HSD11B1: variants seen among roughly 807,000 people sequenced by gnomAD.
HSD11B1 encodes hydroxysteroid 11-beta dehydrogenase 1.
HSD11B1 carries 15 observed loss-of-function variants against 22.1 expected under a neutral mutation model. The ratio of observed to expected loss-of-function variants is 0.68; its 90% CI spans 0.45 to 1.04. HSD11B1 has a LOEUF of 1.04. Among genes scored for constraint, HSD11B1 ranks in the 50% least tolerant of loss-of-function variants. HSD11B1 has a pLI of 0.00. For missense variants in HSD11B1, 281 were observed against 357.6 expected (o/e 0.79, Z 1.73); for synonymous variants, 122 against 125.2 (o/e 0.97, Z 0.17).
chr1:209,687,394 C>A lies in HSD11B1; in HGVS notation c.-49+1109C>A, dbSNP rs183630593. Reference sequence around the variant, plus strand: ...AAACAATCTCACTTCTGCTGGCTTGCCAAGGTTTGAAAGGAACTGCCTCCC... The same window carrying A: ...AAACAATCTCACTTCTGCTGGCTTGACAAGGTTTGAAAGGAACTGCCTCCC... On this transcript the variant is annotated intron_variant, in intron 1 of 6. Transcript: ENST00000261465. Among the ~76,000 whole-genome samples the A allele has an allele frequency of 5.3e-5, 8 of 152,188 alleles. No individual in the cohort carries two copies. The East Asian group carries it at 1.4e-3, about 26-fold the overall frequency.
chr1:209,691,215 G>A (rs987879668), intron 1 of HSD11B1, among the ~76,000 whole-genome samples: 4 of 152,036 alleles, frequency 2.6e-5, no homozygotes, highest in African/African-American at 4.8e-5. Context: ...ATCCTTACCC[G>A]GCCAAAAAAC....
At chr1:209,712,477 A>G (rs997444274) in intron 4 of HSD11B1, among the ~76,000 whole-genome samples, 1 of 152,214 alleles carries the variant, frequency 6.6e-6, no homozygotes, top group Non-Finnish European at 1.5e-5. Context: ...TAAGTAATCT[A>G]AAGATGATTT....
chr1:209,720,681 G>T (rs1454385849), intron 4 of HSD11B1, among the ~76,000 whole-genome samples: 1 of 151,856 alleles, frequency 6.6e-6, no homozygotes, highest in Admixed American at 6.6e-5. Flanking sequence ...GAAGAGTCAT[G>T]ACAACTAAAT....
In HSD11B1 at chr1:209,706,152, A is replaced by ATG. The variant is rs897821747; in HGVS notation, c.219+223_219+224dup. 3.9e-5 allele frequency among the ~76,000 whole-genome samples: 6 copies of ATG among 152,230 alleles called. No homozygotes were observed. The highest frequency in any genetic ancestry group is 4.1e-4 in the South Asian group (2 of 4,820). ...AAAGTATGCATTTAAGCATTCATTC[A>ATG]TGTGTGTGTGTGTAATATATTCTGC... On this transcript the variant is annotated intron_variant, in intron 2 of 5. Transcript: ENST00000367027. The surrounding 1 kb of genome is among the most constrained non-coding windows in gnomAD (Gnocchi z 4.0).
intron 1 of HSD11B1, among the ~76,000 whole-genome samples, chr1:209,697,869 T>C (rs1459478131): frequency 6.7e-6 from 1 of 148,786 alleles, no homozygotes; most frequent in East Asian, 2.0e-4. Context: ...GAATGATTAA[T>C]GGTTTTGTTT....
intron 4 of HSD11B1, among the ~76,000 whole-genome samples, chr1:209,710,033 G>A (rs995431084): frequency 2.0e-5 from 3 of 151,546 alleles, no homozygotes; most frequent in Non-Finnish European, 4.4e-5. Flanking sequence ...CCTTCCATCC[G>A]GCAGTGCGTG....
At chr1:209,688,802 C>T (rs2076742529) in intron 1 of HSD11B1, among the ~76,000 whole-genome samples, 1 of 152,210 alleles carries the variant, frequency 6.6e-6, no homozygotes, top group African/African-American at 2.4e-5. Context: ...ATTTATATGC[C>T]ATAAGCCACA....
Position 209,707,053 on chromosome 1 carries a change from G to A in HSD11B1, c.442G>A (p.Val148Met), listed in dbSNP as rs769440424. 9 of 1,613,818 alleles carry A rather than the reference G, an allele frequency of 5.6e-6. No homozygotes were observed. The Admixed American group carries it at 6.7e-5, about 12-fold the overall frequency. ...KSMEVNFLSYVVLTVAALPML... is the reference protein window; with the variant it reads ...KSMEVNFLSYMVLTVAALPML... ...CATGGAAGTCAACTTCCTCAGTTAC[G>A]TGGTCCTGACTGTAGCTGCCTTGCC... Residue 148 changes from valine to methionine, a missense_variant, in exon 4 of 6, where the codon GTG (valine) becomes ATG (methionine). Val to Met is a conservative substitution (Grantham distance 21, BLOSUM62 1). Transcript: ENST00000367027.
intron 1 of HSD11B1, among the ~76,000 whole-genome samples, chr1:209,695,211 G>T (rs1182075945): frequency 6.6e-6 from 1 of 152,190 alleles, no homozygotes; most frequent in Non-Finnish European, 1.5e-5. Context: ...GCAGAACTAT[G>T]AGTCAATTAA....
intron 4 of HSD11B1, among the ~76,000 whole-genome samples, chr1:209,726,560 C>T (rs78558861): frequency 1.1e-4 from 16 of 152,200 alleles, no homozygotes; most frequent in Admixed American, 8.5e-4. Context: ...CTTCAGCCTG[C>T]GTGGGTGACA....
chr1:209,700,875 T>C (rs567294581), upstream of HSD11B1, among the ~76,000 whole-genome samples: 1 of 152,350 alleles, frequency 6.6e-6, no homozygotes, highest in Admixed American at 6.5e-5. Flanking sequence ...ACAGTCTCTT[T>C]GCTAACACAT....
At chr1:209,709,555 C>A (rs11811440) in intron 4 of HSD11B1, among the ~76,000 whole-genome samples, 26,393 of 151,964 alleles carry the variant, frequency 0.17, 2,280 homozygotes, top group East Asian at 0.21. Flanking sequence ...CACAAAACAC[C>A]CTGGAAAGGC....
chr1:209,720,559 A>T (rs1212205974), intron 4 of HSD11B1, among the ~76,000 whole-genome samples: 1 of 150,782 alleles, frequency 6.6e-6, no homozygotes, highest in Non-Finnish European at 1.5e-5. Flanking sequence ...ATCTAGTATG[A>T]GCCAGCTTCG....
At chr1:209,718,837 TG>T (rs893357398) in intron 4 of HSD11B1, among the ~76,000 whole-genome samples, 3 of 151,740 alleles carry the variant, frequency 2.0e-5, no homozygotes, top group Non-Finnish European at 4.4e-5. Flanking sequence ...CTGGCCAATA[TG>T]GTGAAACCCT....
In HSD11B1 at chr1:209,686,392, T is replaced by C. The variant is rs2076728972; in HGVS notation, c.-49+107T>C. ...ATCTGCTATTGAAATAATTAATCTA[T>C]CGAAATGAACAGGAGGGCTGGGCTA... On this transcript the variant is annotated intron_variant, in intron 1 of 6. Coordinates refer to the HSD11B1 transcript ENST00000261465. 2 of 152,016 alleles carry C rather than the reference T, an allele frequency of 1.3e-5. 1 individual carries two copies. Among genetic ancestry groups the C allele is most frequent in the Admixed American group, 1.3e-4 (2 of 15,264 alleles). The allele number at this position is 152,016 out of a possible 1,614,324, so 9.4% of individuals were successfully genotyped here. A position where few individuals can be genotyped will look rare whatever the true frequency, so the allele number is the denominator to read the frequency against.
intron 4 of HSD11B1, among the ~76,000 whole-genome samples, chr1:209,714,134 G>A (rs1558193763): frequency 6.6e-6 from 1 of 152,202 alleles, no homozygotes; most frequent in Non-Finnish European, 1.5e-5. Context: ...CAAGATACCT[G>A]TTGTGCACCC....
chr1:209,732,533 G>C lies in HSD11B1; in HGVS notation c.615G>C (p.Arg205Ser). Residue 205 changes from arginine to serine, a missense_variant, in exon 5 of 6, where the codon AGG (arginine) becomes AGC (serine). Transcript: ENST00000367027. ...TCAGAAAGGAATATTCAGTGTCCAG[G>C]GTCAATGTATCAATCACTCTCTGTG... ...SSIRKEYSVS[R>S]VNVSITLCVL... is the part of the protein sequence containing the mutation. 1 of 1,613,848 alleles carries C rather than the reference G, an allele frequency of 6.2e-7. No individual in the cohort carries two copies. The highest frequency in any genetic ancestry group is 1.6e-4 in the Middle Eastern group (1 of 6,062).
At chr1:209,702,208 T>G (rs2076830523), upstream of HSD11B1, among the ~76,000 whole-genome samples, 2 of 152,214 alleles carry the variant, frequency 1.3e-5, no homozygotes, top group Non-Finnish European at 2.9e-5. Flanking sequence ...AAAGAAGATT[T>G]GGGGGATGGG....
chr1:209,714,603 T>G (rs943248930), intron 4 of HSD11B1, among the ~76,000 whole-genome samples: 1 of 152,200 alleles, frequency 6.6e-6, no homozygotes, highest in African/African-American at 2.4e-5. Context: ...TAGGCCTTCG[T>G]GTCAGGGCTT....
Sources: allele counts gnomAD v4.1 joint callset (sites outside exome capture counted in the v4.1 genomes callset), GRCh38; gene constraint gnomAD v4.1.1; non-coding constraint Gnocchi (gnomAD v3.1); transcripts MANE v1.5; gene names NCBI Gene and HGNC (gene_info 2026-07-23, HGNC 2026-07-21).